GPC5: variants seen among roughly 807,000 people sequenced by gnomAD.
GPC5 encodes glypican-5.
A neutral mutation model predicts 53.9 loss-of-function variants in GPC5; 47 were observed. That is an observed-to-expected ratio of 0.87 (90% CI 0.69 to 1.11). The LOEUF is 1.11. GPC5 is among the 50% of genes most tolerant of loss of function. GPC5 has a pLI of 0.00. For synonymous variants in GPC5, 286 were observed against 263.3 expected (o/e 1.09, Z -0.84); for missense variants, 748 against 713.1 (o/e 1.05, Z -0.56).
intron 7 of GPC5, among the ~76,000 whole-genome samples, chr13:92,692,776 T>TTTTTTTTTTTTTTTA (rs1887448702): frequency 6.8e-6 from 1 of 146,516 alleles, no homozygotes; most frequent in African/African-American, 2.5e-5. Flanking sequence ...TTTTTTTTTT[T>TTTTTTTTTTTTTTTA]ACATTTTACC....
At chr13:92,154,403 T>C (rs1444948299) in intron 7 of GPC5, among the ~76,000 whole-genome samples, 1 of 152,188 alleles carries the variant, frequency 6.6e-6, no homozygotes. Flanking sequence ...CAAAAGTCAA[T>C]TTCAGTGATC....
intron 7 of GPC5, among the ~76,000 whole-genome samples, chr13:92,765,447 T>C (rs1875364605): frequency 6.6e-6 from 1 of 152,234 alleles, no homozygotes; most frequent in South Asian, 2.1e-4. Context: ...ACAAGTTTTG[T>C]TCTACTAAAA....
chr13:92,838,984 G>C (rs1018107685), intron 7 of GPC5, among the ~76,000 whole-genome samples: 15 of 152,164 alleles, frequency 9.9e-5, no homozygotes, highest in African/African-American at 3.4e-4. Flanking sequence ...ACTGCTGTTA[G>C]ACATGAGTCA....
Position 91,834,967 on chromosome 13 carries a change from G to C in GPC5, c.1281-72970G>C, listed in dbSNP as rs2053226543. Among the ~76,000 whole-genome samples the C allele has an allele frequency of 8.0e-5, 12 of 150,634 alleles. 1 individual carries two copies. Among genetic ancestry groups the C allele is most frequent in the Admixed American group, 7.9e-4 (12 of 15,222 alleles). ...CATCAGAGTGAACAGGCAACCTACAGAATGGTAGAAAATTTTTGCAATCTA... is the reference window on the plus strand; with the variant it reads ...CATCAGAGTGAACAGGCAACCTACACAATGGTAGAAAATTTTTGCAATCTA... On this transcript the variant is annotated intron_variant, in intron 5 of 7. Coordinates refer to ENST00000377067, the MANE Select transcript of GPC5 (RefSeq NM_004466.6).
intron 7 of GPC5, among the ~76,000 whole-genome samples, chr13:92,581,003 A>T (rs139681876): frequency 1.4e-3 from 217 of 152,320 alleles, no homozygotes; most frequent in African/African-American, 4.2e-3. Flanking sequence ...TGATATATGA[A>T]TACATTATAG....
rs144653301 is a variant in GPC5, at chr13:92,265,819, G to A, written c.1561+120830G>A. Reference sequence around the variant, plus strand: ...GCTGTTAGAGAATACCTCAGACCCTGGATAATTTACAGTGAACCAAAACTT... The same window carrying A: ...GCTGTTAGAGAATACCTCAGACCCTAGATAATTTACAGTGAACCAAAACTT... On this transcript the variant is annotated intron_variant, in intron 7 of 7. Transcript: ENST00000377067. Among the ~76,000 whole-genome samples, 929 of 152,220 alleles carry A rather than the reference G, an allele frequency of 6.1e-3. 9 individuals carry two copies. Among genetic ancestry groups the A allele is most frequent in the African/African-American group, 0.021 (881 of 41,524 alleles).
chr13:91,550,806 C>T (rs1255344484), intron 2 of GPC5, among the ~76,000 whole-genome samples: 1 of 152,164 alleles, frequency 6.6e-6, no homozygotes, highest in African/African-American at 2.4e-5. Flanking sequence ...TTCCCCCATA[C>T]TGTTCTTGTG....
intron 2 of GPC5, among the ~76,000 whole-genome samples, chr13:91,625,973 A>G (rs1157736835): frequency 1.3e-5 from 2 of 152,088 alleles, no homozygotes; most frequent in Non-Finnish European, 2.9e-5. Flanking sequence ...AATTTCACTG[A>G]TGGCATATTT....
At chr13:92,088,769 T>C (rs1209881210) in intron 6 of GPC5, among the ~76,000 whole-genome samples, 1 of 152,216 alleles carries the variant, frequency 6.6e-6, no homozygotes, top group Non-Finnish European at 1.5e-5. Context: ...ACCTTTTTTC[T>C]CCGTTTTATC....
At chr13:92,372,160 A>G (rs1027646789) in intron 7 of GPC5, among the ~76,000 whole-genome samples, 10 of 152,166 alleles carry the variant, frequency 6.6e-5, no homozygotes, top group Admixed American at 5.2e-4. Flanking sequence ...TAGGCAGAGC[A>G]CCTAGCAGAG....
chr13:91,669,998 G>A (rs188371927), intron 2 of GPC5, among the ~76,000 whole-genome samples: 2 of 152,200 alleles, frequency 1.3e-5, no homozygotes, highest in African/African-American at 4.8e-5. Flanking sequence ...TTGTATTATT[G>A]GACACTGAGT....
chr13:92,116,292 G>A, intron 6 of GPC5, among the ~76,000 whole-genome samples: 1 of 151,642 alleles, frequency 6.6e-6, no homozygotes, highest in Non-Finnish European at 1.5e-5. Context: ...AACAGTGCAG[G>A]CACTTATGGG....
intron 6 of GPC5, among the ~76,000 whole-genome samples, chr13:92,009,174 T>G (rs1370839060): frequency 6.6e-6 from 1 of 152,116 alleles, no homozygotes; most frequent in African/African-American, 2.4e-5. Flanking sequence ...AGAGTTCACT[T>G]TTTTCTTCTT....
At chr13:91,858,333 T>C (rs2038989464) in intron 5 of GPC5, among the ~76,000 whole-genome samples, 2 of 151,912 alleles carry the variant, frequency 1.3e-5, no homozygotes, top group African/African-American at 4.8e-5. Context: ...TATGTTGAGG[T>C]ATGTTCTTTC....
chr13:91,538,063 G>A (rs1375312417), intron 2 of GPC5, among the ~76,000 whole-genome samples: 1 of 152,128 alleles, frequency 6.6e-6, no homozygotes, highest in East Asian at 1.9e-4. Flanking sequence ...TGAAATACTG[G>A]GGTACATGCT....
At chr13:92,031,716 T>TATATA (rs71113784) in intron 6 of GPC5, among the ~76,000 whole-genome samples, 1,539 of 26,700 alleles carry the variant, frequency 0.058, 369 homozygotes, top group East Asian at 0.1. Context: ...ATATATTACA[T>TATATA]ATATGTAATA....
At chr13:91,693,133 G>A (rs554857) in intron 2 of GPC5, 54 bp from the exon 3 acceptor site, 183,650 of 1,233,504 alleles carry the variant, frequency 0.15, 16,067 homozygotes, top group African/African-American at 0.32. Context: ...GCAGATGGAC[G>A]GTGTTAGCAT....
intron 7 of GPC5, among the ~76,000 whole-genome samples, chr13:92,374,740 T>G (rs894319067): frequency 2.0e-5 from 3 of 147,554 alleles, no homozygotes; most frequent in Admixed American, 1.4e-4. Flanking sequence ...CATTGGGAGA[T>G]ATACCTAATG....
At position 92,840,676 on chromosome 13, in the gene GPC5, T is replaced by TG. The variant is rs1166405307; in HGVS notation, c.1562-25606_1562-25605insG. 7.9e-5 allele frequency among the ~76,000 whole-genome samples: 12 copies of TG among 152,218 alleles called. No homozygotes were observed. In the South Asian group the frequency reaches 2.5e-3, roughly 32 times the overall value. ...ATTTTGATAGGGATTGCATTAAGTT[T>TG]ATAGATTGCTTTGGGTAGTATGGAT... On this transcript the variant is annotated intron_variant, in intron 7 of 7. Transcript: ENST00000377067.
Sources: gnomAD v4.1 joint callset for allele counts (sites outside exome capture counted in the v4.1 genomes callset) on GRCh38, gnomAD v4.1.1 for gene constraint, MANE v1.5 for transcripts, NCBI Gene and HGNC (gene_info 2026-07-23, HGNC 2026-07-21) for gene names.